Variants in ASCC2 observed in about 807,000 individuals in gnomAD.
ASCC2 encodes activating signal cointegrator 1 complex subunit 2.
In ASCC2, 42 loss-of-function variants were observed where a neutral mutation model predicts 93.5. The observed-to-expected ratio is 0.45, with a 90% CI of 0.35 to 0.58. The LOEUF (loss-of-function observed/expected upper bound fraction) is 0.58, where lower values mean the gene tolerates loss of function less well. Ranked by LOEUF, ASCC2 falls within the 20% of genes least tolerant of loss-of-function variation. The pLI is 0.00. For synonymous variants in ASCC2, 364 were observed against 384.2 expected (o/e 0.95, Z 0.62); for missense variants, 859 against 977.6 (o/e 0.88, Z 1.62).
At position 29,825,216 on chromosome 22, in the gene ASCC2, G is replaced by A; in HGVS notation, c.282C>T (p.Tyr94=). The A allele has an allele frequency of 6.5e-7, 1 of 1,548,534 alleles. No individual in the cohort carries two copies. Among genetic ancestry groups the A allele is most frequent in the South Asian group, 1.2e-5 (1 of 81,864 alleles). The stretch of plus-strand genomic sequence containing the variant: ...CGAATTTGCGGGGGACATAGCGCAG[G>A]TAGGAGTCCAGGCACTTCTGTAGAG... The part of the protein sequence containing the change: ...DETLQKCLDS[Y]LRYVPRKFDE... The change falls in exon 4 of 20, where the codon TAC becomes TAT. Residue 94 remains tyrosine, a synonymous_variant. Transcript: ENST00000307790. This position sits in a 1 kb window ranked among gnomAD's most constrained non-coding sequence, Gnocchi z 4.9.
At chr22:29,831,431 T>A (rs1197613598) in intron 2 of ASCC2, among the ~76,000 whole-genome samples, 1 of 152,100 alleles carries the variant, frequency 6.6e-6, no homozygotes, top group Non-Finnish European at 1.5e-5. Context: ...ATAATCCGGG[T>A]GAAGTGTTTA....
chr22:29,825,556 A>G lies in ASCC2; in HGVS notation c.240+66T>C, dbSNP rs1352684456. 2 of 1,608,728 alleles carry G rather than the reference A, an allele frequency of 1.2e-6. No individual in the cohort carries two copies. Among genetic ancestry groups the G allele is most frequent in the Non-Finnish European group, 8.5e-7 (1 of 1,175,544 alleles). ...AGCACCTCCTAGGGGAAGAAAAACAACAACAGCAACCAACCAATGGCATGT... is the reference window on the plus strand; with the variant it reads ...AGCACCTCCTAGGGGAAGAAAAACAGCAACAGCAACCAACCAATGGCATGT... On this transcript the variant is annotated intron_variant, in intron 3 of 19. Transcript: ENST00000307790. The surrounding 1 kb of genome is among the most constrained non-coding windows in gnomAD (Gnocchi z 4.9).
At chr22:29,830,166 A>C (rs1461965515) in intron 2 of ASCC2, among the ~76,000 whole-genome samples, 1 of 152,104 alleles carries the variant, frequency 6.6e-6, no homozygotes, top group Non-Finnish European at 1.5e-5. Context: ...ATAACAATTT[A>C]TTGAGTGCTT....
chr22:29,814,069 G>T (rs562448064), intron 7 of ASCC2, among the ~76,000 whole-genome samples: 1 of 152,334 alleles, frequency 6.6e-6, no homozygotes, highest in African/African-American at 2.4e-5. Flanking sequence ...GAGGTAAAAT[G>T]ATTTGCTCCC....
intron 13 of ASCC2, among the ~76,000 whole-genome samples, chr22:29,802,522 C>T (rs981591154): frequency 1.3e-5 from 2 of 152,014 alleles, no homozygotes; most frequent in African/African-American, 4.8e-5. Context: ...AATTTAAGGC[C>T]GGGTACAGTG....
At chr22:29,827,386 C>A in intron 2 of ASCC2, 1 of 321,074 alleles carries the variant, frequency 3.1e-6, no homozygotes, top group Non-Finnish European at 6.5e-6. Context: ...CCATCCACTT[C>A]CAGGTCTGTT....
chr22:29,789,054 T>C lies in ASCC2; in HGVS notation c.2233A>G (p.Met745Val), dbSNP rs2068506726. Reference sequence around the variant, plus strand: ...CCTTTGCTCCTCTTGCGGTCGGCCATGGTTCTCCGGTTGTGGTTGGCTCTT... The same window carrying C: ...CCTTTGCTCCTCTTGCGGTCGGCCACGGTTCTCCGGTTGTGGTTGGCTCTT... ...ATRANHNRRT[M>V]ADRKRSKGMI... The change falls in exon 20 of 20, where the codon ATG becomes GTG. Residue 745 changes from methionine (M) to valine (V), a missense_variant. Transcript: ENST00000307790. 1 of 1,614,152 alleles carries C rather than the reference T, an allele frequency of 6.2e-7. No homozygotes were observed. The highest frequency in any genetic ancestry group is 8.5e-7 in the Non-Finnish European group (1 of 1,180,012).
chr22:29,789,245 A>T, intron 19 of ASCC2, 61 bp from the exon 20 acceptor site: 1 of 1,594,264 alleles, frequency 6.3e-7, no homozygotes, highest in Non-Finnish European at 8.6e-7. Context: ...CTGGCGGGAG[A>T]GCCCACAGCC....
At chr22:29,830,497 AGTT>A (rs919173159) in intron 2 of ASCC2, among the ~76,000 whole-genome samples, 2 of 152,160 alleles carry the variant, frequency 1.3e-5, no homozygotes, top group African/African-American at 4.8e-5. Flanking sequence ...GCTAGTGTTA[AGTT>A]GCCCTTCAAT....
rs1271011204 is a variant in ASCC2 at position 29,806,948 on chromosome 22, G to T, written c.909-44C>A. ...AGACACAGGTTTAGGAGACAAAAAGGCCCTGAGGGGCCAGGTGCAGTGGTT... is the reference window on the plus strand; with the variant it reads ...AGACACAGGTTTAGGAGACAAAAAGTCCCTGAGGGGCCAGGTGCAGTGGTT... On this transcript the variant is annotated intron_variant, in intron 9 of 19. Transcript: ENST00000307790. The T allele has an allele frequency of 4.8e-6, 7 of 1,470,472 alleles. No individual in the cohort carries two copies. In the South Asian group the frequency reaches 8.2e-5, roughly 17 times the overall value. 91.1% of individuals were successfully genotyped at this position (1,470,472 alleles called of 1,614,324 possible). A position where few individuals can be genotyped will look rare whatever the true frequency, so the allele number is the denominator to read the frequency against.
chr22:29,804,373 C>G (rs81800), intron 13 of ASCC2, among the ~76,000 whole-genome samples: 64,418 of 151,968 alleles, frequency 0.42, 14,138 homozygotes, highest in East Asian at 0.58. Context: ...TGGAAAGTTT[C>G]GTCTCTTCAT....
chr22:29,790,574 C>A (rs767065578), intron 18 of ASCC2, 26 bp from the exon 19 acceptor site: 2 of 1,610,366 alleles, frequency 1.2e-6, no homozygotes, highest in Non-Finnish European at 1.7e-6. Context: ...GAGACCAAAT[C>A]TGGAGTCAGG....
Position 29,803,774 on chromosome 22 carries a change from T to C in ASCC2, c.1353+864A>G, listed in dbSNP as rs558570756. On this transcript the variant is annotated intron_variant, in intron 13 of 19. Transcript: ENST00000307790. The stretch of plus-strand genomic sequence containing the variant: ...TCCATGACTCTGCTAAGAAGCGAAA[T>C]GGGGAAGAAGGTGGGAAAAGGTGAA... Among the ~76,000 whole-genome samples the C allele has an allele frequency of 2.0e-5, 3 of 152,142 alleles. No individual in the cohort carries two copies. In the East Asian group the frequency reaches 5.8e-4, roughly 29 times the overall value.
intron 8 of ASCC2, among the ~76,000 whole-genome samples, chr22:29,810,842 C>T (rs1347223054): frequency 6.6e-6 from 1 of 152,098 alleles, no homozygotes; most frequent in African/African-American, 2.4e-5. Flanking sequence ...GCAATTCTCC[C>T]ACCTCAGCCT....
intron 1 of ASCC2, 29 bp downstream of exon 1, chr22:29,838,149 C>T: frequency 2.2e-6 from 1 of 462,168 alleles, no homozygotes; most frequent in Non-Finnish European, 4.3e-6. Context: ...CCTTGCCCTG[C>T]ATCTGGCAGG....
At chr22:29,815,602 T>C (rs1332672294) in intron 6 of ASCC2, among the ~76,000 whole-genome samples, 1 of 152,214 alleles carries the variant, frequency 6.6e-6, no homozygotes, top group Non-Finnish European at 1.5e-5. Context: ...GGAATGATAA[T>C]GTTCCTCTTT....
intron 19 of ASCC2, 138 bp downstream of exon 19, chr22:29,790,331 G>A (rs1190411821): frequency 2.5e-6 from 2 of 794,564 alleles, no homozygotes; most frequent in East Asian, 2.7e-5. Context: ...GATAATGGTA[G>A]CTACTTCACT....
Position 29,804,674 on chromosome 22 carries a change from TTGAC to T in ASCC2, c.1313_1316del (p.Ser438LysfsTer37), listed in dbSNP as rs2059476585. The T allele has an allele frequency of 1.2e-6, 2 of 1,614,026 alleles. No homozygotes were observed. Among genetic ancestry groups the T allele is most frequent in the East Asian group, 2.2e-5 (1 of 44,882 alleles). ...CCGAGTTCTCCGGATGTGATGATGC[TTGAC>T]TGACTGCCTCTGCTGTCACCGTGAC... On this transcript the variant is annotated frameshift_variant, in exon 13 of 20. Transcript: ENST00000307790. LOFTEE classifies it high-confidence loss of function.
At chr22:29,792,292 G>T in intron 18 of ASCC2, 141 bp downstream of exon 18, 1 of 1,442,388 alleles carries the variant, frequency 6.9e-7, no homozygotes, top group Non-Finnish European at 9.3e-7. Flanking sequence ...CAGACATCCT[G>T]GGCTCAAAGG....
Sources: allele counts gnomAD v4.1 joint callset (sites outside exome capture counted in the v4.1 genomes callset), GRCh38; gene constraint gnomAD v4.1.1; non-coding constraint Gnocchi (gnomAD v3.1); transcripts MANE v1.5; gene names NCBI Gene and HGNC (gene_info 2026-07-23, HGNC 2026-07-21).